ZNF407: variants seen among roughly 807,000 people sequenced by gnomAD.
ZNF407 encodes the protein zinc finger protein 407.
Under a neutral mutation model 131.2 loss-of-function variants are expected in ZNF407, and 17 were observed. The ratio of observed to expected loss-of-function variants is 0.13; its 90% CI spans 0.09 to 0.19. The LOEUF is 0.19. Ranked by LOEUF, ZNF407 falls within the 10% of genes least tolerant of loss-of-function variation. ZNF407 has a pLI of 1.00. For missense variants in ZNF407, 2,681 were observed against 2,830.6 expected (o/e 0.95, Z 1.20); for synonymous variants, 1,156 against 1,062.0 (o/e 1.09, Z -1.72).
chr18:74,667,402 C>T (rs1046165119), intron 3 of ZNF407, among the ~76,000 whole-genome samples: 3 of 152,202 alleles, frequency 2.0e-5, no homozygotes, highest in Admixed American at 1.3e-4. Context: ...AAATGAAAAT[C>T]ATAGTCACAG....
At position 74,631,115 on chromosome 18, in the gene ZNF407, C is replaced by T. The variant is rs375400480; in HGVS notation, c.96C>T (p.Asp32=). 8.2e-5 allele frequency: 133 copies of T among 1,613,708 alleles called. No individual in the cohort carries two copies. Among genetic ancestry groups the T allele is most frequent in the Admixed American group, 2.5e-4 (15 of 59,982 alleles). ...CAAAGCTTTCATCCCATAATGAAGACGGTGGGCCTGTATCTGATGTGATAG... is the reference window on the plus strand; with the variant it reads ...CAAAGCTTTCATCCCATAATGAAGATGGTGGGCCTGTATCTGATGTGATAG... The part of the protein sequence containing the change: ...DLTKLSSHNE[D]GGPVSDVIAS... Residue 32 remains aspartate (D), a synonymous_variant, in exon 2 of 9, where the codon GAC becomes GAT. Coordinates refer to ENST00000299687, the MANE Select transcript of ZNF407 (RefSeq NM_017757.3).
At position 74,653,473 on chromosome 18, in the gene ZNF407, T is replaced by C. The variant is rs376995178; in HGVS notation, c.4802+12351T>C. Among the ~76,000 whole-genome samples the C allele has an allele frequency of 2.1e-4, 32 of 152,038 alleles. No individual in the cohort carries two copies. In the South Asian group the frequency reaches 5.6e-3, roughly 27 times the overall value. ...TAAAATTATAATTTTGTAATCTCAG[T>C]ATATTATTAATATATATTTGCAGAA... On this transcript the variant is annotated intron_variant, in intron 3 of 8. Transcript: ENST00000299687.
At chr18:74,875,238 T>C (rs1971139811) in intron 4 of ZNF407, among the ~76,000 whole-genome samples, 2 of 152,186 alleles carry the variant, frequency 1.3e-5, no homozygotes, top group South Asian at 4.1e-4. Flanking sequence ...ATAAAGCAAA[T>C]TGTAGAACAC....
chr18:74,615,244 C>T (rs953390279), intron 1 of ZNF407, among the ~76,000 whole-genome samples: 2 of 152,228 alleles, frequency 1.3e-5, no homozygotes, highest in Non-Finnish European at 2.9e-5. Context: ...CGGTGGCTTA[C>T]GCCTGTAATC....
At chr18:74,680,982 G>A (rs755865100) in intron 3 of ZNF407, among the ~76,000 whole-genome samples, 2 of 152,122 alleles carry the variant, frequency 1.3e-5, no homozygotes, top group Non-Finnish European at 2.9e-5. Flanking sequence ...GTAGAGCATT[G>A]ATTATATCTT....
At chr18:74,805,430 G>A (rs1970094407) in intron 4 of ZNF407, among the ~76,000 whole-genome samples, 1 of 152,152 alleles carries the variant, frequency 6.6e-6, no homozygotes, top group African/African-American at 2.4e-5. Context: ...TATAGTTGTA[G>A]TGATAAAGAT....
chr18:74,635,760 C>T lies in ZNF407; in HGVS notation c.4687+54C>T. ...GTGAGGACATGGGGCCATTTGTTCC[C>T]ATCCAGATATGCAGCCCTACCTGTG... On this transcript the variant is annotated intron_variant, in intron 2 of 8. Transcript: ENST00000299687. The surrounding 1 kb of genome is among the most constrained non-coding windows in gnomAD (Gnocchi z 4.7). 3 of 1,522,408 alleles carry T rather than the reference C, an allele frequency of 2.0e-6. No individual in the cohort carries two copies. The highest frequency in any genetic ancestry group is 2.6e-6 in the Non-Finnish European group (3 of 1,137,586). The allele number at this position is 1,522,408 out of a possible 1,614,324, so 94.3% of individuals were successfully genotyped here.
intron 4 of ZNF407, chr18:74,803,944 T>A: frequency 6.5e-7 from 1 of 1,550,056 alleles, no homozygotes; most frequent in Non-Finnish European, 8.7e-7. Context: ...TTTAACAAAC[T>A]TGATTGTCCT....
chr18:74,827,464 A>T (rs1970424156), intron 4 of ZNF407, among the ~76,000 whole-genome samples: 2 of 150,724 alleles, frequency 1.3e-5, no homozygotes, highest in Non-Finnish European at 1.5e-5. Context: ...GTTATACTCC[A>T]TTGTTTTCAT....
At chr18:75,043,469 C>G (rs1973397226) in intron 8 of ZNF407, among the ~76,000 whole-genome samples, 2 of 152,192 alleles carry the variant, frequency 1.3e-5, no homozygotes, top group South Asian at 4.1e-4. Flanking sequence ...CTATCTTTGC[C>G]AAGCCAGCCT....
chr18:74,953,019 A>G (rs1416824410), intron 8 of ZNF407, among the ~76,000 whole-genome samples: 3 of 152,206 alleles, frequency 2.0e-5, no homozygotes, highest in Admixed American at 6.5e-5. Context: ...CAGGGCATGT[A>G]GAGATGTTTC....
intron 8 of ZNF407, among the ~76,000 whole-genome samples, chr18:74,957,811 G>A (rs1972293709): frequency 6.6e-6 from 1 of 152,210 alleles, no homozygotes; most frequent in Non-Finnish European, 1.5e-5. Flanking sequence ...GGTCATGTTT[G>A]TAAAGCTCCA....
intron 3 of ZNF407, among the ~76,000 whole-genome samples, chr18:74,734,588 A>G (rs1968367940): frequency 2.0e-5 from 3 of 152,104 alleles, no homozygotes; most frequent in Admixed American, 2.0e-4. Flanking sequence ...TTTCAGTACC[A>G]GGAAATAACT....
chr18:74,693,724 A>G (rs1408557163), intron 3 of ZNF407, among the ~76,000 whole-genome samples: 2 of 151,872 alleles, frequency 1.3e-5, no homozygotes, highest in African/African-American at 4.8e-5. Flanking sequence ...ATCGTGCTTG[A>G]GGTTTGTTAA....
chr18:75,059,702 A>G (rs1011953874), intron 8 of ZNF407, among the ~76,000 whole-genome samples: 1 of 152,176 alleles, frequency 6.6e-6, no homozygotes, highest in African/African-American at 2.4e-5. Context: ...GGCCCGGCTT[A>G]TGCTCAGGCG....
At chr18:74,600,479 A>G (rs1157337635) in intron 1 of ZNF407, among the ~76,000 whole-genome samples, 1 of 152,160 alleles carries the variant, frequency 6.6e-6, no homozygotes. Context: ...GTTGTCAGGG[A>G]GCAGAGAGAT....
chr18:75,043,559 C>T (rs1973398456), intron 8 of ZNF407, among the ~76,000 whole-genome samples: 1 of 152,224 alleles, frequency 6.6e-6, no homozygotes. Context: ...CTGCACCAAC[C>T]CTCTGGTTTC....
intron 4 of ZNF407, among the ~76,000 whole-genome samples, chr18:74,839,265 T>C (rs1045296881): frequency 7.2e-5 from 11 of 152,316 alleles, no homozygotes; most frequent in East Asian, 1.9e-4. Context: ...TAGAGGAACA[T>C]AGAGTATCTG....
chr18:74,863,071 C>A (rs546943436), intron 4 of ZNF407, among the ~76,000 whole-genome samples: 4 of 152,068 alleles, frequency 2.6e-5, no homozygotes, highest in Non-Finnish European at 5.9e-5. Context: ...CAGGCACACA[C>A]CACTACGCCC....
Sources: allele counts gnomAD v4.1 joint callset (sites outside exome capture counted in the v4.1 genomes callset), GRCh38; gene constraint gnomAD v4.1.1; non-coding constraint Gnocchi (gnomAD v3.1); transcripts MANE v1.5; gene names NCBI Gene and HGNC (gene_info 2026-07-23, HGNC 2026-07-21).